Variants in HELB observed in about 807,000 individuals in gnomAD.
The protein encoded by HELB is DNA helicase B, also known as DNA 5'-3' helicase B.
Under a neutral mutation model 101.7 loss-of-function variants are expected in HELB, and 96 were observed. That is an observed-to-expected ratio of 0.94 (90% CI 0.80 to 1.12). The LOEUF (loss-of-function observed/expected upper bound fraction) is 1.12. Among genes scored for constraint, HELB ranks in the 50% most tolerant of loss-of-function variants. The pLI is 0.00. For synonymous variants in HELB, 437 were observed against 459.7 expected (o/e 0.95, Z 0.63); for missense variants, 1,210 against 1,291.9 (o/e 0.94, Z 0.97).
chr12:66,309,752 T>C lies in HELB; in HGVS notation c.824T>C (p.Ile275Thr), dbSNP rs540342351. 1.5e-5 allele frequency: 25 copies of C among 1,613,520 alleles called. No homozygotes were observed. In the South Asian group the frequency reaches 2.7e-4, roughly 18 times the overall value. The stretch of plus-strand genomic sequence containing the variant: ...CTCCTGCGATGTGAGGCAAGTTGGA[T>C]AGCATTTTGTCAGTGTGAGTCTCTT... The part of the protein sequence containing the change: ...WKLLRCEASW[I>T]AFCQCESLLQ... The change falls in exon 4 of 13, where the codon ATA becomes ACA. Residue 275 changes from isoleucine (I) to threonine (T), a missense_variant. Ile to Thr is a moderately conservative substitution (Grantham distance 89). Transcript: ENST00000247815.
chr12:66,324,904 A>G, intron 10 of HELB, 79 bp from the exon 11 acceptor site: 1 of 1,562,634 alleles, frequency 6.4e-7, no homozygotes. Flanking sequence ...GTTTGACCCA[A>G]AGATAGAATA....
chr12:66,303,353 C>T (rs973087819), intron 1 of HELB, among the ~76,000 whole-genome samples: 2 of 152,046 alleles, frequency 1.3e-5, no homozygotes, highest in Non-Finnish European at 2.9e-5. Flanking sequence ...ACAGTCCGGG[C>T]GCGGTGGCTC....
At chr12:66,330,231 A>G (rs146789007) in intron 11 of HELB, among the ~76,000 whole-genome samples, 66 of 152,298 alleles carry the variant, frequency 4.3e-4, no homozygotes, top group Non-Finnish European at 7.6e-4. Context: ...GTTTTCTTAC[A>G]GTTACACGGT....
At chr12:66,325,273 G>T in intron 11 of HELB, 147 bp downstream of exon 11, 2 of 545,722 alleles carry the variant, frequency 3.7e-6, no homozygotes, top group Non-Finnish European at 6.4e-6. Context: ...TAGAGAAGAC[G>T]CCACCCTTTT....
At chr12:66,308,273 G>C (rs898632324) in intron 3 of HELB, among the ~76,000 whole-genome samples, 4 of 152,098 alleles carry the variant, frequency 2.6e-5, no homozygotes, top group Non-Finnish European at 5.9e-5. Flanking sequence ...GTGGGGATAA[G>C]GCAGAGATTA....
intron 4 of HELB, among the ~76,000 whole-genome samples, chr12:66,312,206 TCA>T (rs2053552786): frequency 6.6e-6 from 1 of 152,240 alleles, no homozygotes; most frequent in Admixed American, 6.5e-5. Flanking sequence ...GCCTAAGATC[TCA>T]GTTAGGTGTA....
intron 6 of HELB, 133 bp from the exon 7 acceptor site, chr12:66,318,505 A>G (rs1018811707): frequency 1.4e-6 from 1 of 731,932 alleles, no homozygotes; most frequent in Non-Finnish European, 2.1e-6. Context: ...TTTATAATGC[A>G]TACCTGGATG....
At chr12:66,325,609 A>G (rs1182546337) in intron 11 of HELB, among the ~76,000 whole-genome samples, 1 of 152,090 alleles carries the variant, frequency 6.6e-6, no homozygotes, top group Admixed American at 6.5e-5. Context: ...CCTTCCTCCA[A>G]AGTGACTTCT....
chr12:66,331,774 A>T, intron 12 of HELB, 129 bp downstream of exon 12: 1 of 925,172 alleles, frequency 1.1e-6, no homozygotes, highest in Non-Finnish European at 1.6e-6. Flanking sequence ...TGTTTTTCTC[A>T]TTTCTGTCAA....
At position 66,302,546 on chromosome 12, in the gene HELB, A is replaced by G. The variant is rs1165824779; in HGVS notation, c.-58A>G. On this transcript the variant is annotated 5_prime_UTR_variant, in exon 1 of 13. The change abolishes an upstream ATG in the 5' untranslated region. Coordinates refer to ENST00000247815, the MANE Select transcript of HELB (RefSeq NM_001370285.1). ...CAGTCGTAGAACTGATTGGCTGATC[A>G]TGACCATGCAGTTAGCCAGGGTTTT... 6.6e-6 allele frequency: 10 copies of G among 1,524,148 alleles called. No homozygotes were observed. The Admixed American group carries it at 6.8e-5, about 10-fold the overall frequency. The allele number at this position is 1,524,148 out of a possible 1,614,324, so 94.4% of individuals were successfully genotyped here.
chr12:66,307,971 T>C (rs575042641), intron 3 of HELB, among the ~76,000 whole-genome samples: 1 of 149,426 alleles, frequency 6.7e-6, no homozygotes, highest in East Asian at 2.0e-4. Context: ...CCTCAAGTGA[T>C]CTGCCCACCT....
chr12:66,325,774 G>C (rs1036071479), intron 11 of HELB, among the ~76,000 whole-genome samples: 2 of 151,958 alleles, frequency 1.3e-5, no homozygotes, highest in Non-Finnish European at 2.9e-5. Context: ...AACTTTGTGG[G>C]GTATAATGTG....
intron 11 of HELB, among the ~76,000 whole-genome samples, chr12:66,327,207 T>C (rs1203687184): frequency 6.6e-6 from 1 of 151,622 alleles, no homozygotes; most frequent in African/African-American, 2.4e-5. Flanking sequence ...TGGCTTTAAG[T>C]TCCCTTAAGA....
chr12:66,324,860 A>G (rs535406134), intron 10 of HELB, 123 bp from the exon 11 acceptor site: 2 of 1,228,562 alleles, frequency 1.6e-6, no homozygotes, highest in Non-Finnish European at 2.3e-6. Flanking sequence ...GCCTTTTGAA[A>G]TTCTTAATGG....
intron 11 of HELB, among the ~76,000 whole-genome samples, chr12:66,330,159 T>G (rs561681497): frequency 6.6e-6 from 1 of 152,332 alleles, no homozygotes; most frequent in Admixed American, 6.5e-5. Flanking sequence ...TCTTTGTCTG[T>G]GTTGGCACTG....
chr12:66,322,967 A>T (rs1376216644), intron 9 of HELB, among the ~76,000 whole-genome samples, 184 bp downstream of exon 9: 1 of 151,958 alleles, frequency 6.6e-6, no homozygotes, highest in Non-Finnish European at 1.5e-5. Context: ...GGGAATTGAC[A>T]TTTTAGTAAT....
At chr12:66,331,760 C>A in intron 12 of HELB, 115 bp downstream of exon 12, 1 of 1,041,580 alleles carries the variant, frequency 9.6e-7, no homozygotes, top group Non-Finnish European at 1.4e-6. Context: ...GACTTAAAAA[C>A]AATTGTTTTT....
In HELB at chr12:66,305,166, A is replaced by C. The variant is rs753367109; in HGVS notation, c.607+16A>C. Reference sequence around the variant, plus strand: ...GAAAACACAAGTAAGTGTGATTTTTATCATCAACTTTCAGTGTAATTGACA... The same window carrying C: ...GAAAACACAAGTAAGTGTGATTTTTCTCATCAACTTTCAGTGTAATTGACA... On this transcript the variant is annotated intron_variant, in intron 2 of 12. Transcript: ENST00000247815. 1 of 1,438,494 alleles carries C rather than the reference A, an allele frequency of 7.0e-7. No homozygotes were observed. Among genetic ancestry groups the C allele is most frequent in the East Asian group, 2.3e-5 (1 of 44,092 alleles). The allele number at this position is 1,438,494 out of a possible 1,614,324, so 89.1% of individuals were successfully genotyped here. A position where few individuals can be genotyped will look rare whatever the true frequency, so the allele number is the denominator to read the frequency against.
chr12:66,324,579 T>C (rs940239826), intron 10 of HELB: 17 of 252,930 alleles, frequency 6.7e-5, no homozygotes, highest in Non-Finnish European at 1.2e-4. Flanking sequence ...GCTGCTTAAA[T>C]GTAGAAACTA....
Sources: allele counts gnomAD v4.1 joint callset (sites outside exome capture counted in the v4.1 genomes callset), GRCh38; gene constraint gnomAD v4.1.1; transcripts MANE v1.5; gene names NCBI Gene and HGNC (gene_info 2026-07-23, HGNC 2026-07-21).